The following FRMD4A variants were observed in gnomAD, a reference collection of about 807,000 sequenced individuals.
FRMD4A encodes FERM domain containing 4A, also known as FERM domain-containing protein 4A.
FRMD4A carries 29 observed loss-of-function variants against 129.1 expected under a neutral mutation model. The observed-to-expected ratio is 0.22, with a 90% CI of 0.17 to 0.31. The LOEUF is 0.31. FRMD4A is among the 10% of genes least tolerant of loss of function. The pLI, the probability that FRMD4A is intolerant of heterozygous loss-of-function variation, is 1.00. For synonymous variants in FRMD4A, 634 were observed against 571.6 expected (o/e 1.11, Z -1.56); for missense variants, 1,272 against 1,375.8 (o/e 0.92, Z 1.19).
At chr10:14,101,081 A>G (rs1837276546) in intron 2 of FRMD4A, among the ~76,000 whole-genome samples, 1 of 152,206 alleles carries the variant, frequency 6.6e-6, no homozygotes, top group East Asian at 1.9e-4. Context: ...GTTTCTACCA[A>G]AACGGCTCTG....
intron 23 of FRMD4A, chr10:13,652,390 A>T (rs1343625147): frequency 5.0e-6 from 1 of 199,594 alleles, no homozygotes; most frequent in Non-Finnish European, 1.0e-5. Flanking sequence ...AATACAATCA[A>T]TCATATATTT....
At position 13,740,821 on chromosome 10, in the gene FRMD4A, ATGTT is replaced by A. The variant is rs974035398; in HGVS notation, c.549-248_549-245del. 1.6e-4 allele frequency among the ~76,000 whole-genome samples: 14 copies of A among 87,348 alleles called. 1 individual carries two copies. The highest frequency in any genetic ancestry group is 2.4e-4 in the Non-Finnish European group (11 of 46,042). 57.3% of individuals were successfully genotyped at this position (87,348 alleles called of 152,430 possible). ...AGGACTTGCATTCTCTTTGTCTTGG[ATGTT>A]TGTTTTTTTTTTTTTTTTTGAGACG... On this transcript the variant is annotated intron_variant, in intron 9 of 24. Coordinates refer to ENST00000357447, the MANE Select transcript of FRMD4A (RefSeq NM_018027.5).
intron 2 of FRMD4A, among the ~76,000 whole-genome samples, chr10:14,126,013 T>C (rs1838819847): frequency 6.6e-6 from 1 of 152,186 alleles, no homozygotes; most frequent in African/African-American, 2.4e-5. Context: ...CTTGCCTGGA[T>C]GAATCTCATT....
chr10:13,988,070 A>G (rs1236098835), intron 2 of FRMD4A, among the ~76,000 whole-genome samples: 5 of 152,236 alleles, frequency 3.3e-5, no homozygotes, highest in South Asian at 2.1e-4. Context: ...ACAGTAGGCA[A>G]AAGCAGTGTC....
intron 2 of FRMD4A, among the ~76,000 whole-genome samples, chr10:14,325,304 A>C (rs973698787): frequency 6.6e-6 from 1 of 152,242 alleles, no homozygotes; most frequent in Non-Finnish European, 1.5e-5. Context: ...GAGAAGGATT[A>C]GATTATAGTA....
chr10:14,207,302 G>T (rs886701571), intron 2 of FRMD4A, among the ~76,000 whole-genome samples: 2 of 152,098 alleles, frequency 1.3e-5, no homozygotes, highest in African/African-American at 2.4e-5. Flanking sequence ...TTCCACGGAT[G>T]GGGGTGGGGT....
At chr10:13,705,894 G>A (rs558728407) in intron 13 of FRMD4A, among the ~76,000 whole-genome samples, 1 of 152,340 alleles carries the variant, frequency 6.6e-6, no homozygotes, top group South Asian at 2.1e-4. Flanking sequence ...CTACACAGGA[G>A]TGGCTGTTTC....
intron 2 of FRMD4A, among the ~76,000 whole-genome samples, chr10:14,226,533 G>A (rs779749540): frequency 5.3e-5 from 8 of 152,160 alleles, no homozygotes; most frequent in Admixed American, 2.0e-4. Flanking sequence ...CCTTCCGGGC[G>A]CCATACTGGA....
intron 2 of FRMD4A, among the ~76,000 whole-genome samples, chr10:13,884,188 A>ACT (rs1273130550): frequency 6.6e-4 from 64 of 97,114 alleles, no homozygotes; most frequent in East Asian, 4.6e-3. Flanking sequence ...ACACACACAC[A>ACT]CACACACTCA....
intron 2 of FRMD4A, among the ~76,000 whole-genome samples, chr10:13,982,897 A>T (rs1199138068): frequency 6.6e-6 from 1 of 152,214 alleles, no homozygotes; most frequent in African/African-American, 2.4e-5. Context: ...CTCGCCCTAC[A>T]GGTGCATCAG....
At chr10:14,222,682 A>G (rs1482963137) in intron 2 of FRMD4A, among the ~76,000 whole-genome samples, 1 of 152,154 alleles carries the variant, frequency 6.6e-6, no homozygotes, top group Non-Finnish European at 1.5e-5. Flanking sequence ...CCACTGCAGA[A>G]TCAGGCCATG....
chr10:14,226,495 C>A (rs1050863129), intron 2 of FRMD4A, among the ~76,000 whole-genome samples: 14 of 152,170 alleles, frequency 9.2e-5, no homozygotes, highest in African/African-American at 2.4e-4. Flanking sequence ...GCAAGAAATG[C>A]AAAAGCAAGG....
At chr10:13,968,515 C>T (rs1565133827) in intron 2 of FRMD4A, among the ~76,000 whole-genome samples, 2 of 152,208 alleles carry the variant, frequency 1.3e-5, no homozygotes, top group African/African-American at 2.4e-5. Flanking sequence ...CGCAATGGTG[C>T]GATCTCAGCT....
intron 2 of FRMD4A, among the ~76,000 whole-genome samples, chr10:14,251,997 A>G (rs1844457490): frequency 6.6e-6 from 1 of 152,216 alleles, no homozygotes; most frequent in Non-Finnish European, 1.5e-5. Flanking sequence ...AGACATTAGT[A>G]TCATACTATG....
intron 3 of FRMD4A, among the ~76,000 whole-genome samples, chr10:13,845,292 G>A (rs538359141): frequency 6.6e-6 from 1 of 152,290 alleles, no homozygotes; most frequent in South Asian, 2.1e-4. Flanking sequence ...TTGGAGGGAT[G>A]AGCAGTAATC....
chr10:13,801,420 G>A (rs1162776624), intron 4 of FRMD4A, among the ~76,000 whole-genome samples: 1 of 152,198 alleles, frequency 6.6e-6, no homozygotes, highest in Non-Finnish European at 1.5e-5. Flanking sequence ...TCCCATGAGG[G>A]GATCACGATG....
intron 2 of FRMD4A, among the ~76,000 whole-genome samples, chr10:14,277,304 A>C (rs553047117): frequency 5.0e-4 from 76 of 152,224 alleles, no homozygotes; most frequent in Non-Finnish European, 8.7e-4. Flanking sequence ...CCTCAAATTT[A>C]CATGTGGAAA....
chr10:13,777,791 A>ATTTTTTTTTTT lies in FRMD4A; in HGVS notation c.384+5120_384+5130dup, dbSNP rs34059772. Among the ~76,000 whole-genome samples, 152 of 85,962 alleles carry ATTTTTTTTTTT rather than the reference A, an allele frequency of 1.8e-3. 9 individuals are homozygous for ATTTTTTTTTTT. In the South Asian group the frequency reaches 0.022, roughly 12 times the overall value. The allele number at this position is 85,962 out of a possible 152,430, so 56.4% of individuals were successfully genotyped here. Reference sequence around the variant, plus strand: ...GTCTGCCCAAGTAGGCTTTGGGTCAATTTTTTTTTTTTTTTTTTTTTTTTT... The same window carrying ATTTTTTTTTTT: ...GTCTGCCCAAGTAGGCTTTGGGTCAATTTTTTTTTTTTTTTTTTTTTTTTTTTTTTTTTTTT... On this transcript the variant is annotated intron_variant, in intron 6 of 24. Transcript: ENST00000357447.
chr10:14,076,772 T>C (rs1835635802), intron 2 of FRMD4A, among the ~76,000 whole-genome samples: 1 of 152,226 alleles, frequency 6.6e-6, no homozygotes, highest in African/African-American at 2.4e-5. Flanking sequence ...CAATAATTCA[T>C]TACTTGATTA....
Sources: gnomAD v4.1 joint callset for allele counts (sites outside exome capture counted in the v4.1 genomes callset) on GRCh38, gnomAD v4.1.1 for gene constraint, MANE v1.5 for transcripts, NCBI Gene and HGNC (gene_info 2026-07-23, HGNC 2026-07-21) for gene names.